ELAVL4: variants seen among roughly 807,000 people sequenced by gnomAD.
ELAVL4 encodes the protein ELAV-like protein 4.
In ELAVL4, 1 loss-of-function variant was observed where a neutral mutation model predicts 35.6. That is an observed-to-expected ratio of 0.03 (90% CI 0.01 to 0.13). ELAVL4 has a LOEUF of 0.13. Ranked by LOEUF, ELAVL4 falls within the 10% of genes least tolerant of loss-of-function variation. ELAVL4 has a pLI of 1.00. For synonymous variants in ELAVL4, 156 were observed against 171.0 expected (o/e 0.91, Z 0.69); for missense variants, 267 against 464.9 (o/e 0.57, Z 3.91).
Position 50,120,779 on chromosome 1 carries a change from C to T in ELAVL4, c.9+11581C>T, listed in dbSNP as rs576193582. 9.2e-5 allele frequency among the ~76,000 whole-genome samples: 14 copies of T among 152,124 alleles called. No individual in the cohort carries two copies. The East Asian group carries it at 2.3e-3, about 25-fold the overall frequency. Reference sequence around the variant, plus strand: ...CAGAAAGCAGTAGGAGGAAAAATATCGACTTTACTTCAGATTGTAAAGAAG... The same window carrying T: ...CAGAAAGCAGTAGGAGGAAAAATATTGACTTTACTTCAGATTGTAAAGAAG... On this transcript the variant is annotated intron_variant, in intron 1 of 6. Transcript: ENST00000371824.
At chr1:50,050,915 G>A (rs1302633328) in intron 1 of ELAVL4, among the ~76,000 whole-genome samples, 1 of 152,058 alleles carries the variant, frequency 6.6e-6, no homozygotes, top group Non-Finnish European at 1.5e-5. Flanking sequence ...CAGGCACATG[G>A]TAAATACTGA....
intron 4 of ELAVL4, 106 bp from the exon 5 acceptor site, chr1:50,195,455 A>G: frequency 8.1e-7 from 1 of 1,240,002 alleles, no homozygotes. Context: ...CTGGCACCAC[A>G]GGTGGGCTTA....
At chr1:50,107,496 G>A (rs1170066589), upstream of ELAVL4, among the ~76,000 whole-genome samples, 2 of 152,134 alleles carry the variant, frequency 1.3e-5, no homozygotes, top group East Asian at 3.9e-4. Flanking sequence ...GGACAGAATA[G>A]TTTTAATCTT....
intron 1 of ELAVL4, among the ~76,000 whole-genome samples, chr1:50,142,757 G>T (rs917748314): frequency 2.0e-5 from 3 of 152,080 alleles, no homozygotes; most frequent in African/African-American, 7.2e-5. Context: ...CCCAAAAACA[G>T]AATCCTAGGA....
At chr1:50,162,351 C>A (rs1676944558) in intron 2 of ELAVL4, among the ~76,000 whole-genome samples, 1 of 152,158 alleles carries the variant, frequency 6.6e-6, no homozygotes, top group Admixed American at 6.5e-5. Context: ...CATAATAAGA[C>A]TCACGCGCCC....
chr1:50,186,762 G>T (rs1219410745), intron 3 of ELAVL4, among the ~76,000 whole-genome samples: 1 of 152,168 alleles, frequency 6.6e-6, no homozygotes, highest in African/African-American at 2.4e-5. Context: ...GAATGCCCAG[G>T]TAAGGGGTTT....
In ELAVL4 at chr1:50,202,538, G is replaced by A. The variant is rs1033864927; in HGVS notation, c.*1360G>A. Reference sequence around the variant, plus strand: ...GCTTGAAACACTTATTTATTTAATCGCCGATGTGATGATGCCTATGGCCGA... The same window carrying A: ...GCTTGAAACACTTATTTATTTAATCACCGATGTGATGATGCCTATGGCCGA... On this transcript the variant is annotated 3_prime_UTR_variant, in exon 7 of 7. Transcript: ENST00000371824. The A allele has an allele frequency of 1.3e-5, 2 of 151,960 alleles. No homozygotes were observed. Among genetic ancestry groups the A allele is most frequent in the African/African-American group, 4.8e-5 (2 of 41,358 alleles). The allele number at this position is 151,960 out of a possible 1,614,324, so 9.4% of individuals were successfully genotyped here.
chr1:50,197,531 T>A, intron 6 of ELAVL4, 64 bp downstream of exon 6: 1 of 1,428,154 alleles, frequency 7.0e-7, no homozygotes, highest in Non-Finnish European at 9.3e-7. Flanking sequence ...AGAATTTTTT[T>A]TTTTTAATTC....
At position 50,201,445 on chromosome 1, in the gene ELAVL4, C is replaced by G. The variant is rs574184440; in HGVS notation, c.*267C>G. On this transcript the variant is annotated 3_prime_UTR_variant, in exon 7 of 7. Transcript: ENST00000371824. The surrounding 1 kb of genome is among the most constrained non-coding windows in gnomAD (Gnocchi z 4.3). ...GCATTGAATGTTCTTTCATAGCTGT[C>G]GTTGTTGAATATAATATACATAGAT... The G allele has an allele frequency of 3.2e-5, 7 of 221,740 alleles. No homozygotes were observed. Among genetic ancestry groups the G allele is most frequent in the Non-Finnish European group, 6.1e-5 (7 of 114,914 alleles). The allele number at this position is 221,740 out of a possible 1,614,324, so 13.7% of individuals were successfully genotyped here.
intron 2 of ELAVL4, among the ~76,000 whole-genome samples, chr1:50,156,197 C>T (rs1351074391): frequency 6.6e-6 from 1 of 152,244 alleles, no homozygotes; most frequent in Non-Finnish European, 1.5e-5. Context: ...TCCTGCCTTG[C>T]CTTCCCCACC....
intron 1 of ELAVL4, among the ~76,000 whole-genome samples, chr1:50,083,978 C>A (rs1018373430): frequency 6.6e-6 from 1 of 152,190 alleles, no homozygotes; most frequent in East Asian, 1.9e-4. Flanking sequence ...GCATTCCCCT[C>A]ATTGTTGAGA....
intron 2 of ELAVL4, among the ~76,000 whole-genome samples, chr1:50,153,628 T>G (rs912531869): frequency 6.6e-6 from 1 of 152,128 alleles, no homozygotes; most frequent in Non-Finnish European, 1.5e-5. Flanking sequence ...TTGGTAGAGA[T>G]TAGATTGTAG....
At chr1:50,168,681 C>T (rs964120387) in intron 2 of ELAVL4, among the ~76,000 whole-genome samples, 8 of 152,070 alleles carry the variant, frequency 5.3e-5, no homozygotes, top group African/African-American at 1.2e-4. Flanking sequence ...TTGCCACTCA[C>T]GAGCGGTGAA....
intron 3 of ELAVL4, among the ~76,000 whole-genome samples, chr1:50,185,529 T>C (rs960575590): frequency 5.3e-5 from 8 of 152,206 alleles, no homozygotes; most frequent in African/African-American, 1.9e-4. Flanking sequence ...ATATCCCAGT[T>C]TGTCTCTTAG....
chr1:50,200,522 G>A (rs1161012033), intron 6 of ELAVL4, among the ~76,000 whole-genome samples: 2 of 152,062 alleles, frequency 1.3e-5, no homozygotes, highest in Non-Finnish European at 2.9e-5. Context: ...GAGTCGGGGT[G>A]GGGTGGAGTC....
chr1:50,120,040 T>A (rs1668760306), intron 1 of ELAVL4, among the ~76,000 whole-genome samples: 1 of 147,900 alleles, frequency 6.8e-6, no homozygotes, highest in Non-Finnish European at 1.5e-5. Context: ...TATATCAAAT[T>A]TTTCGTTGGA....
intron 3 of ELAVL4, chr1:50,180,434 G>A (rs964286402): frequency 6.6e-6 from 1 of 152,106 alleles, no homozygotes; most frequent in Non-Finnish European, 1.5e-5. Context: ...ACCTGTACTA[G>A]GAGGTACCCA....
chr1:50,131,049 T>A (rs1670768207), intron 1 of ELAVL4, among the ~76,000 whole-genome samples: 1 of 152,154 alleles, frequency 6.6e-6, no homozygotes, highest in South Asian at 2.1e-4. Context: ...CCAAACAAAT[T>A]TTCTTTGTAT....
Position 50,152,191 on chromosome 1 carries a change from C to G in ELAVL4, c.250+6994C>G, listed in dbSNP as rs114871530. On this transcript the variant is annotated intron_variant, in intron 2 of 6. Coordinates refer to ENST00000371824, the MANE Select transcript of ELAVL4 (RefSeq NM_001144774.3). ...TTCCTTTTGCCTCCTGGCTGTGTTC[C>G]CCTTCATCTTACCTTCCAAATCAGA... is the stretch of plus-strand genomic sequence containing the variant. Among the ~76,000 whole-genome samples, 1,404 of 152,118 alleles carry G rather than the reference C, an allele frequency of 9.2e-3. 21 individuals carry two copies. The highest frequency in any genetic ancestry group is 0.032 in the African/African-American group (1,310 of 41,480).
Sources: gnomAD v4.1 joint callset for allele counts (sites outside exome capture counted in the v4.1 genomes callset) on GRCh38, gnomAD v4.1.1 for gene constraint, Gnocchi (gnomAD v3.1) non-coding constraint, MANE v1.5 for transcripts, NCBI Gene and HGNC (gene_info 2026-07-23, HGNC 2026-07-21) for gene names.